The following KCNC3 variants were observed in gnomAD, a reference collection of about 807,000 sequenced individuals.
The protein encoded by KCNC3 is voltage-gated potassium channel KCNC3.
A neutral mutation model predicts 43.9 loss-of-function variants in KCNC3; 22 were observed. That is an observed-to-expected ratio of 0.50 (90% confidence interval 0.36 to 0.72). The LOEUF (loss-of-function observed/expected upper bound fraction) is 0.72. KCNC3 is among the 30% of genes least tolerant of loss of function. The pLI is 0.00. For synonymous variants in KCNC3, 492 were observed against 488.0 expected (o/e 1.01, Z -0.11); for missense variants, 829 against 1,073.8 (o/e 0.77, Z 3.19).
chr19:50,329,074 G>T lies in KCNC3; in HGVS notation c.9C>A (p.Ser3Arg). 1 of 1,105,530 alleles carries T rather than the reference G, an allele frequency of 9.0e-7. No individual in the cohort carries two copies. Among genetic ancestry groups the T allele is most frequent in the Non-Finnish European group, 1.2e-6 (1 of 846,286 alleles). 68.5% of individuals were successfully genotyped at this position (1,105,530 alleles called of 1,614,324 possible). A position where few individuals can be genotyped will look rare whatever the true frequency, so the allele number is the denominator to read the frequency against. Reference protein sequence around the residue: MLSSVCVSSFRGR... With the variant: MLRSVCVSSFRGR... Reference sequence around the variant, plus strand: ...CGCGGAAGGACGAGACGCAGACTGAGCTCAGCATTGGACGGGGGGCGGGGC... The same window carrying T: ...CGCGGAAGGACGAGACGCAGACTGATCTCAGCATTGGACGGGGGGCGGGGC... The change falls in exon 1 of 5, where the codon AGC (serine) becomes AGA (arginine). Residue 3 changes from serine (S) to arginine (R), a missense_variant. Transcript: ENST00000477616.
In KCNC3 at chr19:50,328,794, C is replaced by T; in HGVS notation, c.289G>A (p.Val97Met). Residue 97 changes from valine to methionine, a missense_variant, in exon 1 of 5, where the codon GTG becomes ATG. Around this residue, in one of 7 missense-constraint regions of KCNC3, gnomAD observed 121 missense variants for 247.4 expected, o/e 0.49. Coordinates refer to ENST00000477616, the MANE Select transcript of KCNC3 (RefSeq NM_004977.3). ...SGKIVINVGG[V>M]RHETYRSTLR... The stretch of plus-strand genomic sequence containing the variant: ...GTCGAGCGGTACGTCTCATGGCGCA[C>T]GCCGCCCACGTTGATCACGATCTTG... The T allele has an allele frequency of 4.5e-6, 7 of 1,559,742 alleles. No individual in the cohort carries two copies. Among genetic ancestry groups the T allele is most frequent in the Non-Finnish European group, 5.2e-6 (6 of 1,155,948 alleles).
At chr19:50,333,081 C>G (rs1346396557), upstream of KCNC3, among the ~76,000 whole-genome samples, 2 of 152,186 alleles carry the variant, frequency 1.3e-5, no homozygotes, top group Non-Finnish European at 2.9e-5. Context: ...AATCTCCCCG[C>G]TATAATCTTT....
intron 2 of KCNC3, among the ~76,000 whole-genome samples, chr19:50,322,371 G>A (rs887907668): frequency 1.3e-5 from 2 of 152,106 alleles, no homozygotes; most frequent in Non-Finnish European, 1.5e-5. Flanking sequence ...CCTGGTTTCC[G>A]TTCTGCCCTG....
chr19:50,312,802 T>C lies in KCNC3; in HGVS notation c.*3313A>G, dbSNP rs1051487607. Reference sequence around the variant, plus strand: ...AAACGGGGGGGCTTGTTAAAGAAGTTGAACCCTTTGGCAATATAATCAGTC... The same window carrying C: ...AAACGGGGGGGCTTGTTAAAGAAGTCGAACCCTTTGGCAATATAATCAGTC... On this transcript the variant is annotated 3_prime_UTR_variant, in exon 5 of 5. Coordinates refer to ENST00000477616, the MANE Select transcript of KCNC3 (RefSeq NM_004977.3). 1.3e-5 allele frequency: 2 copies of C among 151,980 alleles called. No individual in the cohort carries two copies. The highest frequency in any genetic ancestry group is 1.3e-4 in the Admixed American group (2 of 15,256). 9.4% of individuals were successfully genotyped at this position (151,980 alleles called of 1,614,324 possible).
Position 50,320,592 on chromosome 19 carries a change from C to G in KCNC3, c.2170+1G>C. The G allele has an allele frequency of 6.2e-7, 1 of 1,611,116 alleles. No individual in the cohort carries two copies. The highest frequency in any genetic ancestry group is 8.5e-7 in the Non-Finnish European group (1 of 1,179,334). ...GGGGATCAGTAGGGGGGGCACCTCACCTTTTCGGATGGAGCCATCAGGGGA... is the reference window on the plus strand; with the variant it reads ...GGGGATCAGTAGGGGGGGCACCTCAGCTTTTCGGATGGAGCCATCAGGGGA... On this transcript the variant is annotated splice_donor_variant, in intron 3 of 4. Transcript: ENST00000477616. LOFTEE classifies it high-confidence loss of function.
upstream of KCNC3, among the ~76,000 whole-genome samples, chr19:50,332,336 T>G (rs994866958): frequency 2.0e-5 from 3 of 152,064 alleles, no homozygotes; most frequent in Admixed American, 1.3e-4. This position sits in a 1 kb window ranked among gnomAD's most constrained non-coding sequence, Gnocchi z 5.8. Flanking sequence ...TAAATCAGCG[T>G]TTTTTTGCAG....
Position 50,328,642 on chromosome 19 carries a change from C to T in KCNC3, c.441G>A (p.Val147=), listed in dbSNP as rs568551263. The change falls in exon 1 of 5, where the codon GTG becomes GTA. Residue 147 remains valine, a synonymous_variant. Coordinates refer to ENST00000477616, the MANE Select transcript of KCNC3 (RefSeq NM_004977.3). Reference sequence around the variant, plus strand: ...GCTTGCCGGTGCGGTAGTAGTTGAGCACGTACGCGAAGACTCCCGGGTGCC... The same window carrying T: ...GCTTGCCGGTGCGGTAGTAGTTGAGTACGTACGCGAAGACTCCCGGGTGCC... ...FDRHPGVFAY[V]LNYYRTGKLH... The T allele has an allele frequency of 1.9e-6, 3 of 1,611,510 alleles. No individual in the cohort carries two copies. In the East Asian group the frequency reaches 6.7e-5, roughly 36 times the overall value.
rs370049670 is a variant in KCNC3 at position 50,320,546 on chromosome 19, GGAGA to G, written c.2170+43_2170+46del. 8.9e-4 allele frequency: 1,386 copies of G among 1,557,302 alleles called. 14 individuals carry two copies. The African/African-American group carries it at 0.016, about 19-fold the overall frequency. Reference sequence around the variant, plus strand: ...CCCTCTCCTCCCTCCCCTGGGCAGGGGAGAGAGAGGGAGGGTCCCAGGGGATCAG... The same window carrying G: ...CCCTCTCCTCCCTCCCCTGGGCAGGGGAGAGGGAGGGTCCCAGGGGATCAG... On this transcript the variant is annotated intron_variant, in intron 3 of 4. Coordinates refer to ENST00000477616, the MANE Select transcript of KCNC3 (RefSeq NM_004977.3).
chr19:50,331,035 G>A (rs898495900), upstream of KCNC3, among the ~76,000 whole-genome samples: 1 of 151,974 alleles, frequency 6.6e-6, no homozygotes, highest in African/African-American at 2.4e-5. Context: ...CGGCTGATTC[G>A]TATCGCCTCC....
chr19:50,318,468 G>A (rs1179896453), intron 4 of KCNC3, among the ~76,000 whole-genome samples: 3 of 152,006 alleles, frequency 2.0e-5, no homozygotes, highest in African/African-American at 2.4e-5. Context: ...AGCCACCCCC[G>A]CCGCCCAGCC....
At position 50,323,223 on chromosome 19, in the gene KCNC3, G is replaced by C; in HGVS notation, c.1730C>G (p.Pro577Arg). ...PQPGSPNYCK[P>R]DPPPPPPPHP... ...GGGCGGGGGTGGCGGGGGTGGGTCAGGCTTGCAGTAGTTGGGCGAGCCCGG... is the reference window on the plus strand; with the variant it reads ...GGGCGGGGGTGGCGGGGGTGGGTCACGCTTGCAGTAGTTGGGCGAGCCCGG... The change falls in exon 2 of 5, where the codon CCT becomes CGT. Residue 577 changes from proline (P) to arginine (R), a missense_variant. Around this residue, in one of 7 missense-constraint regions of KCNC3, gnomAD observed 308 missense variants for 276.2 expected, o/e 1.11. Transcript: ENST00000477616. The C allele has an allele frequency of 6.4e-7, 1 of 1,558,028 alleles. No homozygotes were observed. Among genetic ancestry groups the C allele is most frequent in the Non-Finnish European group, 8.6e-7 (1 of 1,158,710 alleles).
chr19:50,329,259 G>A lies in KCNC3; in HGVS notation c.-177C>T, dbSNP rs1332315322. ...GGCTGTGGCTGGGAGGAGTGGGGCG[G>A]GCACTCTAACGCGACCCAGCTGGAC... On this transcript the variant is annotated 5_prime_UTR_variant, in exon 1 of 5. Coordinates refer to ENST00000477616, the MANE Select transcript of KCNC3 (RefSeq NM_004977.3). 7.2e-6 allele frequency: 2 copies of A among 275,936 alleles called. No individual in the cohort carries two copies. Among genetic ancestry groups the A allele is most frequent in the Admixed American group, 1.1e-4 (2 of 18,328 alleles). The allele number at this position is 275,936 out of a possible 1,614,324, so 17.1% of individuals were successfully genotyped here.
Position 50,328,397 on chromosome 19 carries a change from C to T in KCNC3, c.686G>A (p.Gly229Asp), listed in dbSNP as rs1380672498. The change falls in exon 1 of 5, where the codon GGC (glycine) becomes GAC (aspartate). Residue 229 changes from glycine to aspartate, a missense_variant. Physicochemically the swap from Gly to Asp is moderately conservative, Grantham distance 94 (BLOSUM62 -1). This residue lies in a region of KCNC3 where 60 missense variants were observed against 56.0 expected (regional missense o/e 1.07). Coordinates refer to ENST00000477616, the MANE Select transcript of KCNC3 (RefSeq NM_004977.3). ...AHDGGLDDEA[G>D]AGGGGLDGAG... ...TCCGTCCAGGCCGCCGCCGCCCGCG[C>T]CCGCCTCGTCGTCCAGGCCTCCGTC... 1.5e-6 allele frequency: 2 copies of T among 1,305,324 alleles called. No individual in the cohort carries two copies. The highest frequency in any genetic ancestry group is 9.7e-7 in the Non-Finnish European group (1 of 1,031,790). 80.9% of individuals were successfully genotyped at this position (1,305,324 alleles called of 1,614,324 possible).
chr19:50,320,859 T>A, intron 2 of KCNC3, 75 bp from the exon 3 acceptor site: 1 of 1,422,754 alleles, frequency 7.0e-7, no homozygotes. Flanking sequence ...GGGCAAGATG[T>A]CTGCGAGGAG....
At chr19:50,316,432 C>T (rs536152535) in intron 4 of KCNC3, among the ~76,000 whole-genome samples, 1 of 151,652 alleles carries the variant, frequency 6.6e-6, no homozygotes, top group African/African-American at 2.4e-5. Flanking sequence ...CTTGGGAGGA[C>T]CATAGGGGAC....
In KCNC3 at chr19:50,315,834, C is replaced by G. The variant is rs186061491; in HGVS notation, c.*281G>C. On this transcript the variant is annotated 3_prime_UTR_variant, in exon 5 of 5. Coordinates refer to ENST00000477616, the MANE Select transcript of KCNC3 (RefSeq NM_004977.3). ...GCTAATGGGACTCAAGATCCAGCAA[C>G]AGTGTGTGTGGTTTCTGCAAAGCCT... 1.5e-5 allele frequency: 4 copies of G among 273,666 alleles called. No homozygotes were observed. Among genetic ancestry groups the G allele is most frequent in the Non-Finnish European group, 2.9e-5 (4 of 137,730 alleles). 17.0% of individuals were successfully genotyped at this position (273,666 alleles called of 1,614,324 possible).
chr19:50,323,974 A>G lies in KCNC3; in HGVS notation c.979T>C (p.Ser327Pro). Residue 327 changes from serine (S) to proline (P), a missense_variant, in exon 2 of 5, where the codon TCC becomes CCC. Ser to Pro is a moderately conservative substitution (Grantham distance 74). This residue lies in a region of KCNC3 where 157 missense variants were observed against 293.5 expected (regional missense o/e 0.53). Coordinates refer to ENST00000477616, the MANE Select transcript of KCNC3 (RefSeq NM_004977.3). ...TCCGGAGGTGCCCCGGGGATCGGGG[A>G]GGCCTGGGTCACCGTCTTGTTGCTA... Reference protein sequence around the residue: ...HISNKTVTQASPIPGAPPENI... With the variant: ...HISNKTVTQAPPIPGAPPENI... 1 of 1,613,274 alleles carries G rather than the reference A, an allele frequency of 6.2e-7. No individual in the cohort carries two copies. The highest frequency in any genetic ancestry group is 2.2e-5 in the East Asian group (1 of 44,854).
chr19:50,329,019 C>A lies in KCNC3; in HGVS notation c.64G>T (p.Ala22Ser). The change falls in exon 1 of 5, where the codon GCG becomes TCG. Residue 22 changes from alanine to serine, a missense_variant. Ala to Ser is a moderately conservative substitution (Grantham distance 99). Around this residue, in one of 7 missense-constraint regions of KCNC3, gnomAD observed 129 missense variants for 83.6 expected, o/e 1.54. Coordinates refer to ENST00000477616, the MANE Select transcript of KCNC3 (RefSeq NM_004977.3). ...GACTCGGGCGGCTGCGGCGGTGGCG[C>A]CGGCTGCTGCTTGCTGGCCCCCTGG... ...GRQGASKQQP[A>S]PPPQPPESPP... is the part of the protein sequence containing the mutation. The A allele has an allele frequency of 7.6e-7, 1 of 1,312,662 alleles. No homozygotes were observed. Among genetic ancestry groups the A allele is most frequent in the South Asian group, 2.0e-5 (1 of 50,772 alleles). The allele number at this position is 1,312,662 out of a possible 1,614,324, so 81.3% of individuals were successfully genotyped here.
intron 1 of KCNC3, among the ~76,000 whole-genome samples, chr19:50,325,280 A>T (rs920054883): frequency 3.3e-5 from 5 of 152,090 alleles, no homozygotes; most frequent in Non-Finnish European, 5.9e-5. Flanking sequence ...CAGGTGTTAT[A>T]GTAAAGAGAG....
Sources: allele counts gnomAD v4.1 joint callset (sites outside exome capture counted in the v4.1 genomes callset), GRCh38; gene constraint gnomAD v4.1.1; regional missense constraint gnomAD v4.1.1; non-coding constraint Gnocchi (gnomAD v3.1); transcripts MANE v1.5; gene names NCBI Gene and HGNC (gene_info 2026-07-23, HGNC 2026-07-21).